Variants in OTUD7B observed in about 807,000 individuals in gnomAD.
OTUD7B encodes the protein OTU domain-containing protein 7B.
In OTUD7B, 34 loss-of-function variants were observed where a neutral mutation model predicts 82.2. The observed-to-expected ratio is 0.41, with a 90% CI of 0.31 to 0.55. OTUD7B has a LOEUF of 0.55. OTUD7B is among the 20% of genes least tolerant of loss of function. The probability of loss-of-function intolerance (pLI) is 0.20; values close to 1 mark genes in which losing one functional copy is unlikely to be tolerated. For missense variants in OTUD7B, 944 were observed against 1,062.1 expected, an observed-to-expected ratio of 0.89 and a Z score of 1.55; for synonymous variants, 398 against 402.7, an observed-to-expected ratio of 0.99 and a Z score of 0.14.
upstream of OTUD7B, among the ~76,000 whole-genome samples, chr1:150,013,351 G>A (rs587749770): frequency 8.5e-5 from 13 of 152,280 alleles, no homozygotes; most frequent in African/African-American, 3.1e-4. Flanking sequence ...TAAAAAGAGA[G>A]ACTATTTCAA....
chr1:149,945,786 C>A (rs1285624902), intron 11 of OTUD7B, among the ~76,000 whole-genome samples: 1 of 152,132 alleles, frequency 6.6e-6, no homozygotes, highest in Admixed American at 6.5e-5. Flanking sequence ...TTAAGCCAGG[C>A]ACGGTGGCTC....
At chr1:149,989,616 G>A (rs1651421064) in intron 1 of OTUD7B, among the ~76,000 whole-genome samples, 1 of 151,582 alleles carries the variant, frequency 6.6e-6, no homozygotes, top group African/African-American at 2.4e-5. Context: ...GGCACACACT[G>A]TAGACCCAGC....
At chr1:149,982,081 G>A (rs1165625173) in intron 1 of OTUD7B, among the ~76,000 whole-genome samples, 6 of 151,940 alleles carry the variant, frequency 3.9e-5, no homozygotes, top group South Asian at 2.1e-4. Flanking sequence ...CCCGGGAGGC[G>A]GAGCTTGCAG....
chr1:150,022,033 G>A, the OTUD7B span, among the ~76,000 whole-genome samples: 1 of 152,002 alleles, frequency 6.6e-6, no homozygotes, highest in Admixed American at 6.6e-5. Flanking sequence ...CCTGAGCCTG[G>A]AACTTTTAAT....
chr1:150,003,054 T>C (rs1378381819), intron 1 of OTUD7B, among the ~76,000 whole-genome samples: 1 of 151,752 alleles, frequency 6.6e-6, no homozygotes, highest in Non-Finnish European at 1.5e-5. Flanking sequence ...ATCAAGACCA[T>C]CCTGGCTAAC....
At chr1:149,947,406 A>G in intron 10 of OTUD7B, 71 bp from the exon 11 acceptor site, 1 of 853,974 alleles carries the variant, frequency 1.2e-6, no homozygotes, top group South Asian at 1.4e-5. Flanking sequence ...GTTGGGAGAA[A>G]GGGTGGGAGA....
chr1:149,950,852 C>G (rs587691784), intron 7 of OTUD7B, among the ~76,000 whole-genome samples: 1 of 139,452 alleles, frequency 7.2e-6, no homozygotes, highest in African/African-American at 2.7e-5. Context: ...GGAGCAGTGG[C>G]GCGATCTCGG....
At chr1:150,065,092 T>TC in the OTUD7B span, among the ~76,000 whole-genome samples, 2 of 150,992 alleles carry the variant, frequency 1.3e-5, no homozygotes. Flanking sequence ...AAATAGTGCT[T>TC]TTTTTTTTGG....
At chr1:150,049,699 C>T in the OTUD7B span, among the ~76,000 whole-genome samples, 13 of 149,236 alleles carry the variant, frequency 8.7e-5, no homozygotes, top group African/African-American at 2.7e-4. Context: ...AAGCAATCCC[C>T]CTGCCTCAGC....
upstream of OTUD7B, among the ~76,000 whole-genome samples, chr1:150,014,084 G>GTGTATA (rs1336267152): frequency 0.022 from 675 of 30,280 alleles, 12 homozygotes; most frequent in African/African-American, 0.048. Context: ...GTGTGTGTGT[G>GTGTATA]TATATATATA....
chr1:150,037,909 C>T, the OTUD7B span, among the ~76,000 whole-genome samples: 16 of 152,100 alleles, frequency 1.1e-4, no homozygotes, highest in African/African-American at 3.9e-4. Flanking sequence ...CATTCTGTTG[C>T]CCAGGCTGGA....
chr1:149,996,725 G>T (rs1651948944), intron 1 of OTUD7B, among the ~76,000 whole-genome samples: 1 of 152,180 alleles, frequency 6.6e-6, no homozygotes, highest in Non-Finnish European at 1.5e-5. Flanking sequence ...TAAATGAGGT[G>T]TTATATAAAA....
intron 7 of OTUD7B, 86 bp from the exon 8 acceptor site, chr1:149,950,307 GA>G: frequency 7.4e-7 from 1 of 1,354,574 alleles, no homozygotes; most frequent in Non-Finnish European, 1.0e-6. Context: ...CAGTTCTGCA[GA>G]AAGGGAAAAG....
chr1:150,008,902 T>C (rs1264104680), intron 1 of OTUD7B, among the ~76,000 whole-genome samples: 1 of 152,178 alleles, frequency 6.6e-6, no homozygotes, highest in Non-Finnish European at 1.5e-5. Flanking sequence ...GGCCACTTTG[T>C]CAGGGAGGTG....
upstream of OTUD7B, among the ~76,000 whole-genome samples, chr1:150,013,422 G>GA (rs1232250024): frequency 6.6e-6 from 1 of 151,998 alleles, no homozygotes; most frequent in East Asian, 1.9e-4. Context: ...GCTAGGCAGG[G>GA]AAAAAAACTA....
upstream of OTUD7B, among the ~76,000 whole-genome samples, chr1:150,014,423 G>A: frequency 6.7e-6 from 1 of 148,484 alleles, no homozygotes; most frequent in Non-Finnish European, 1.5e-5. Context: ...GCTGTATGAG[G>A]GGAAGTTTCA....
chr1:150,014,109 A>ATATATAT (rs1559875242), upstream of OTUD7B, among the ~76,000 whole-genome samples: 95 of 101,046 alleles, frequency 9.4e-4, 1 homozygote, highest in African/African-American at 2.2e-3. Context: ...TATATATAGT[A>ATATATAT]GGGGCTCAGC....
chr1:149,963,172 A>G (rs1296486963), intron 6 of OTUD7B: 5 of 152,226 alleles, frequency 3.3e-5, no homozygotes, highest in Admixed American at 2.6e-4. Context: ...TTATGACAGC[A>G]ATAAAATGAG....
chr1:150,027,055 T>G, the OTUD7B span, among the ~76,000 whole-genome samples: 15 of 152,218 alleles, frequency 9.9e-5, no homozygotes, highest in African/African-American at 3.4e-4. Context: ...GTCTCCAACT[T>G]TCAGCCTTCA....
Sources: gnomAD v4.1 joint callset for allele counts (sites outside exome capture counted in the v4.1 genomes callset) on GRCh38, gnomAD v4.1.1 for gene constraint, MANE v1.5 for transcripts, NCBI Gene and HGNC (gene_info 2026-07-23, HGNC 2026-07-21) for gene names.